MAOB: variants seen among roughly 807,000 people sequenced by gnomAD.
MAOB encodes the protein monoamine oxidase B.
In MAOB, 15 loss-of-function variants were observed where a neutral mutation model predicts 41.9. That is an observed-to-expected ratio of 0.36 (90% CI 0.24 to 0.55). The LOEUF is 0.55. Among genes scored for constraint, MAOB ranks in the 20% least tolerant of loss-of-function variants. The pLI is 0.86. For missense variants in MAOB, 345 were observed against 398.7 expected (o/e 0.87, Z 1.15); for synonymous variants, 167 against 144.2 (o/e 1.16, Z -1.13).
chrX:43,798,650 G>C (rs1023920931), intron 5 of MAOB, among the ~76,000 whole-genome samples: 1 of 111,469 alleles, frequency 9.0e-6, no homozygotes, highest in Admixed American at 9.6e-5. Flanking sequence ...TGTGCACTCT[G>C]GGATTTCTTT....
intron 3 of MAOB, among the ~76,000 whole-genome samples, chrX:43,808,675 T>C (rs1292815253): frequency 3.0e-4 from 30 of 99,508 alleles, no homozygotes; most frequent in South Asian, 1.3e-3. Flanking sequence ...TCTATATCTA[T>C]ATCTATATCT....
intron 1 of MAOB, among the ~76,000 whole-genome samples, chrX:43,859,479 C>T (rs1337584750): frequency 9.0e-6 from 1 of 111,373 alleles, no homozygotes. Context: ...TACATGACAC[C>T]ATCCGACCTC....
At chrX:43,818,893 C>G (rs1306059774) in intron 3 of MAOB, among the ~76,000 whole-genome samples, 1 of 112,164 alleles carries the variant, frequency 8.9e-6, no homozygotes, top group Non-Finnish European at 1.9e-5. Context: ...ATAATTATAA[C>G]ATGGCATATG....
At chrX:43,847,535 A>G (rs887430667) in intron 1 of MAOB, among the ~76,000 whole-genome samples, 3 of 111,326 alleles carry the variant, frequency 2.7e-5, no homozygotes, top group African/African-American at 9.8e-5. Context: ...ACTTAACTGT[A>G]GGTTACGCAA....
At chrX:43,809,122 A>C (rs1434314209) in intron 3 of MAOB, among the ~76,000 whole-genome samples, 1 of 111,369 alleles carries the variant, frequency 9.0e-6, no homozygotes, top group Non-Finnish European at 1.9e-5. Flanking sequence ...TGAGGGTGGG[A>C]AGGGGCCCCT....
chrX:43,775,063 T>G (rs2034236554), intron 12 of MAOB, 112 bp downstream of exon 12: 3 of 889,871 alleles, frequency 3.4e-6, no homozygotes, highest in East Asian at 4.8e-5. Flanking sequence ...TTGTTTTTTT[T>G]TTTTTTTTTT....
intron 1 of MAOB, among the ~76,000 whole-genome samples, chrX:43,867,645 A>G (rs952376212): frequency 8.9e-6 from 1 of 112,384 alleles, no homozygotes; most frequent in Non-Finnish European, 1.9e-5. Context: ...GGAACGCTGT[A>G]TTTGTTGAGT....
At chrX:43,859,326 C>T (rs141639849) in intron 1 of MAOB, among the ~76,000 whole-genome samples, 1 of 111,717 alleles carries the variant, frequency 9.0e-6, no homozygotes, top group Non-Finnish European at 1.9e-5. Flanking sequence ...AGAAAGAATA[C>T]TTTAACATCT....
At chrX:43,824,843 T>C (rs1428568774) in intron 3 of MAOB, among the ~76,000 whole-genome samples, 3 of 113,363 alleles carry the variant, frequency 2.6e-5, no homozygotes, top group African/African-American at 9.6e-5. Flanking sequence ...TGCACACATG[T>C]GCACACACAC....
intron 1 of MAOB, among the ~76,000 whole-genome samples, chrX:43,856,955 A>ATT (rs201106668): frequency 2.1e-5 from 2 of 95,240 alleles, no homozygotes; most frequent in African/African-American, 7.7e-5. Flanking sequence ...CTACAATTTA[A>ATT]TTTTTTTTTT....
chrX:43,768,392 T>C (rs1228810602), intron 14 of MAOB, among the ~76,000 whole-genome samples: 1 of 110,885 alleles, frequency 9.0e-6, no homozygotes, highest in Non-Finnish European at 1.9e-5. Flanking sequence ...TTTTTAGAAG[T>C]CTCCGAGAAA....
At chrX:43,853,267 CAAAAA>C (rs397957481) in intron 1 of MAOB, among the ~76,000 whole-genome samples, 1 of 26,456 alleles carries the variant, frequency 3.8e-5, no homozygotes, top group Non-Finnish European at 7.2e-5. Context: ...GAGTCCGTCT[CAAAAA>C]AAAAAAAAAA....
intron 5 of MAOB, among the ~76,000 whole-genome samples, chrX:43,797,697 A>G (rs755995605): frequency 9.0e-6 from 1 of 111,700 alleles, no homozygotes; most frequent in South Asian, 3.8e-4. Flanking sequence ...CTCCACCTTC[A>G]CCACAAATTT....
chrX:43,772,233 C>T (rs1202096689), intron 12 of MAOB, among the ~76,000 whole-genome samples: 1 of 111,433 alleles, frequency 9.0e-6, no homozygotes, highest in Non-Finnish European at 1.9e-5. Context: ...TTAAGCTATG[C>T]TGTGCCTTAG....
chrX:43,824,090 A>G (rs2034915407), intron 3 of MAOB, among the ~76,000 whole-genome samples: 1 of 112,284 alleles, frequency 8.9e-6, no homozygotes, highest in African/African-American at 3.2e-5. Context: ...ATGACTGCTG[A>G]CAGCCCTCCC....
At chrX:43,852,071 C>T (rs1369315950) in intron 1 of MAOB, among the ~76,000 whole-genome samples, 1 of 111,933 alleles carries the variant, frequency 8.9e-6, no homozygotes, top group Non-Finnish European at 1.9e-5. Context: ...AAAAGGCCAC[C>T]TCCTGGCTGC....
intron 8 of MAOB, among the ~76,000 whole-genome samples, chrX:43,784,610 G>T (rs1014284013): frequency 8.9e-6 from 1 of 112,184 alleles, no homozygotes; most frequent in African/African-American, 3.2e-5. Context: ...CTTTGTTGCT[G>T]TTTGATAGCA....
At chrX:43,801,989 G>A (rs759067161) in intron 5 of MAOB, among the ~76,000 whole-genome samples, 183 bp downstream of exon 5, 2 of 113,226 alleles carry the variant, frequency 1.8e-5, no homozygotes, top group African/African-American at 6.4e-5. Flanking sequence ...CTCCAAAGAA[G>A]TAAGTTGTAT....
At chrX:43,839,835 C>A (rs1046743151) in intron 2 of MAOB, among the ~76,000 whole-genome samples, 2 of 111,923 alleles carry the variant, frequency 1.8e-5, no homozygotes, top group Non-Finnish European at 3.8e-5. Flanking sequence ...AGCTTCTTTA[C>A]GTAAAAGGCA....
Sources: allele counts gnomAD v4.1 joint callset (sites outside exome capture counted in the v4.1 genomes callset), GRCh38; gene constraint gnomAD v4.1.1; transcripts MANE v1.5; gene names NCBI Gene and HGNC (gene_info 2026-07-23, HGNC 2026-07-21).